The following HEPHL1 variants were observed in gnomAD, a reference collection of about 807,000 sequenced individuals.
HEPHL1 encodes the protein hephaestin like 1.
Under a neutral mutation model 122.0 loss-of-function variants are expected in HEPHL1, and 123 were observed. The observed-to-expected ratio is 1.01, with a 90% CI of 0.87 to 1.17. The LOEUF (loss-of-function observed/expected upper bound fraction) is 1.17, where lower values mean the gene tolerates loss of function less well. Ranked by LOEUF, HEPHL1 falls within the 50% of genes most tolerant of loss-of-function variation. The pLI is 0.00. For synonymous variants in HEPHL1, 527 were observed against 508.9 expected, an observed-to-expected ratio of 1.04 and a Z score of -0.48; for missense variants, 1,452 against 1,430.5, an observed-to-expected ratio of 1.01 and a Z score of -0.24.
At chr11:94,081,873 G>T (rs1415061298) in intron 9 of HEPHL1, among the ~76,000 whole-genome samples, 2 of 152,232 alleles carry the variant, frequency 1.3e-5, no homozygotes, top group African/African-American at 4.8e-5. Flanking sequence ...CTGGGCAGAA[G>T]ATGGAGATAA....
chr11:94,093,971 G>GATATATATATATATATATATATCTAT (rs1946284531), intron 13 of HEPHL1, among the ~76,000 whole-genome samples: 1 of 72,746 alleles, frequency 1.4e-5, no homozygotes, highest in Non-Finnish European at 2.8e-5. Flanking sequence ...TCCTCCAGCA[G>GATATATATATATATATATATATCTAT]ATATATATAT....
chr11:94,077,435 A>G (rs752812534), intron 9 of HEPHL1, among the ~76,000 whole-genome samples: 42 of 152,154 alleles, frequency 2.8e-4, no homozygotes, highest in Non-Finnish European at 3.2e-4. Context: ...TATGGAGTAC[A>G]CGAGATGTTT....
At chr11:94,083,553 T>C (rs1025020996) in intron 10 of HEPHL1, among the ~76,000 whole-genome samples, 1 of 152,246 alleles carries the variant, frequency 6.6e-6, no homozygotes, top group African/African-American at 2.4e-5. Flanking sequence ...GCTAACCTGC[T>C]TGTTTTAGGA....
At chr11:94,043,872 G>T (rs1041564251) in intron 1 of HEPHL1, among the ~76,000 whole-genome samples, 1 of 151,836 alleles carries the variant, frequency 6.6e-6, no homozygotes, top group Non-Finnish European at 1.5e-5. Context: ...TCAAGGCAGG[G>T]GCTTTGTCTT....
intron 18 of HEPHL1, 147 bp from the exon 19 acceptor site, chr11:94,111,390 T>C (rs550241625): frequency 1.4e-6 from 1 of 713,634 alleles, no homozygotes; most frequent in Non-Finnish European, 2.4e-6. Context: ...AGCATGTACA[T>C]GGGAATGAAG....
At chr11:94,085,903 A>G (rs1946212658) in intron 10 of HEPHL1, 74 bp from the exon 11 acceptor site, 1 of 1,041,708 alleles carries the variant, frequency 9.6e-7, no homozygotes, top group African/African-American at 1.6e-5. Flanking sequence ...TCTTTTGTAA[A>G]CAGTTTACAT....
intron 1 of HEPHL1, among the ~76,000 whole-genome samples, chr11:94,044,902 G>A (rs1945819717): frequency 6.6e-6 from 1 of 151,774 alleles, no homozygotes; most frequent in African/African-American, 2.4e-5. Flanking sequence ...TGGGATTACA[G>A]GCATGAGCCA....
At chr11:94,105,153 A>T (rs1946398762) in intron 16 of HEPHL1, among the ~76,000 whole-genome samples, 1 of 152,176 alleles carries the variant, frequency 6.6e-6, no homozygotes, top group Admixed American at 6.5e-5. Flanking sequence ...GTTTTAATGT[A>T]TCTGTGTTAC....
Position 94,070,374 on chromosome 11 carries a change from C to T in HEPHL1, c.1064C>T (p.Ala355Val). The T allele has an allele frequency of 6.3e-7, 1 of 1,587,642 alleles. No homozygotes were observed. Among genetic ancestry groups the T allele is most frequent in the Non-Finnish European group, 8.6e-7 (1 of 1,165,542 alleles). The change falls in exon 6 of 20, where the codon GCT becomes GTT. Residue 355 changes from alanine (A) to valine (V), a missense_variant and splice_region_variant. By Grantham distance (64) the Ala-to-Val change is moderately conservative. Transcript: ENST00000315765. ...ITCQVSDHLQ[A>V]GMLGQYNVDN... ...CTCGTGGTTTTCCTCTGTTCTGCAG[C>T]TGGTATGCTGGGGCAATACAATGTT...
At position 94,113,249 on chromosome 11, in the gene HEPHL1, C is replaced by T. The variant is rs969060848; in HGVS notation, c.*1355C>T. On this transcript the variant is annotated 3_prime_UTR_variant, in exon 20 of 20. Coordinates refer to ENST00000315765, the MANE Select transcript of HEPHL1 (RefSeq NM_001098672.2). The stretch of plus-strand genomic sequence containing the variant: ...TGCTTTTAGCTCTGGGCGAGATGCC[C>T]TGAGATTCCAATGCCAATGCTAGAT... 1 of 152,134 alleles carries T rather than the reference C, an allele frequency of 6.6e-6. No individual in the cohort carries two copies. The highest frequency in any genetic ancestry group is 2.4e-5 in the African/African-American group (1 of 41,436). The allele number at this position is 152,134 out of a possible 1,614,324, so 9.4% of individuals were successfully genotyped here. A position where few individuals can be genotyped will look rare whatever the true frequency, so the allele number is the denominator to read the frequency against.
intron 12 of HEPHL1, 30 bp from the exon 13 acceptor site, chr11:94,093,471 A>C (rs760148022): frequency 7.4e-6 from 12 of 1,612,008 alleles, no homozygotes; most frequent in Middle Eastern, 1.6e-4. Flanking sequence ...CTTTCTGACA[A>C]CTTTAATTTC....
intron 11 of HEPHL1, among the ~76,000 whole-genome samples, chr11:94,087,669 A>G (rs572381283): frequency 5.0e-4 from 76 of 152,270 alleles, no homozygotes; most frequent in South Asian, 3.3e-3. Context: ...ATCAATACAT[A>G]AAAAATAGGC....
At chr11:94,058,335 G>A (rs558250082) in intron 2 of HEPHL1, among the ~76,000 whole-genome samples, 2 of 152,200 alleles carry the variant, frequency 1.3e-5, no homozygotes, top group African/African-American at 4.8e-5. Flanking sequence ...TTTGGGAAGA[G>A]AATTTGCTGA....
At chr11:94,105,027 AC>A (rs1367973056) in intron 16 of HEPHL1, among the ~76,000 whole-genome samples, 1 of 152,214 alleles carries the variant, frequency 6.6e-6, no homozygotes, top group Non-Finnish European at 1.5e-5. Context: ...TTCTTTAAAA[AC>A]AAATCATCAT....
chr11:94,040,182 A>T (rs1945764130), intron 1 of HEPHL1, among the ~76,000 whole-genome samples: 1 of 76,436 alleles, frequency 1.3e-5, no homozygotes, highest in Non-Finnish European at 2.6e-5. Context: ...GAAGAAGTTG[A>T]ATCTCTGAAT....
At chr11:94,045,958 T>C in intron 2 of HEPHL1, 41 bp downstream of exon 2, 1 of 1,587,106 alleles carries the variant, frequency 6.3e-7, no homozygotes, top group South Asian at 1.1e-5. Context: ...TGTCTCTATT[T>C]CATAAGTAAG....
At chr11:94,056,533 T>A (rs1945937308) in intron 2 of HEPHL1, among the ~76,000 whole-genome samples, 1 of 152,152 alleles carries the variant, frequency 6.6e-6, no homozygotes, top group African/African-American at 2.4e-5. Context: ...ATTTTCTTAT[T>A]GGTTTGCCTC....
intron 2 of HEPHL1, 23 bp downstream of exon 2, chr11:94,045,940 TG>T (rs749477093): frequency 6.2e-7 from 1 of 1,609,164 alleles, no homozygotes; most frequent in African/African-American, 1.3e-5. Context: ...CCTTTATTAC[TG>T]GGGTCTTGTC....
chr11:94,094,014 A>ATATATATATATATATATATATATATATAT (rs1565360567), intron 13 of HEPHL1, among the ~76,000 whole-genome samples: 2 of 120,126 alleles, frequency 1.7e-5, no homozygotes, highest in African/African-American at 3.8e-5. Context: ...ATATATATAT[A>ATATATATATATATATATATATATATATAT]AAACTTTAAG....
Sources: allele counts gnomAD v4.1 joint callset (sites outside exome capture counted in the v4.1 genomes callset), GRCh38; gene constraint gnomAD v4.1.1; transcripts MANE v1.5; gene names NCBI Gene and HGNC (gene_info 2026-07-23, HGNC 2026-07-21).